The following GLI3 variants were observed in gnomAD, a reference collection of about 807,000 sequenced individuals.
GLI3 encodes transcription activator GLI3.
A neutral mutation model predicts 100.8 loss-of-function variants in GLI3; 20 were observed. That is an observed-to-expected ratio of 0.20 (90% CI 0.14 to 0.29). The LOEUF is 0.29. Among genes scored for constraint, GLI3 ranks in the 10% least tolerant of loss-of-function variants. GLI3 has a pLI of 1.00. For synonymous variants in GLI3, 938 were observed against 860.5 expected, an observed-to-expected ratio of 1.09 and a Z score of -1.58; for missense variants, 2,040 against 2,128.5, an observed-to-expected ratio of 0.96 and a Z score of 0.82.
chr7:42,008,089 G>T (rs985282423), intron 10 of GLI3, among the ~76,000 whole-genome samples: 2 of 152,104 alleles, frequency 1.3e-5, no homozygotes, highest in Non-Finnish European at 2.9e-5. Flanking sequence ...ACTCAGGTTC[G>T]AGTGGGACTA....
chr7:42,212,070 G>A (rs956515474), intron 2 of GLI3, among the ~76,000 whole-genome samples: 1 of 152,216 alleles, frequency 6.6e-6, no homozygotes, highest in Admixed American at 6.5e-5. Context: ...GTCGTGAGCA[G>A]TTCCAGAAAG....
chr7:42,141,489 T>C (rs1286018477), intron 3 of GLI3, among the ~76,000 whole-genome samples: 1 of 152,058 alleles, frequency 6.6e-6, no homozygotes, highest in Non-Finnish European at 1.5e-5. Context: ...GTGGCCAACA[T>C]GGCGAAACCC....
At chr7:42,197,721 G>A (rs934683663) in intron 2 of GLI3, among the ~76,000 whole-genome samples, 1 of 152,126 alleles carries the variant, frequency 6.6e-6, no homozygotes, top group African/African-American at 2.4e-5. Context: ...AAGCAGTGTC[G>A]GGCTTAGCTA....
chr7:41,967,981 G>T, intron 13 of GLI3, 58 bp from the exon 14 acceptor site: 3 of 1,321,742 alleles, frequency 2.3e-6, no homozygotes, highest in Admixed American at 1.7e-5. Context: ...AGGAAAGGGA[G>T]CCAATAATGA....
intron 13 of GLI3, among the ~76,000 whole-genome samples, chr7:41,970,721 T>G (rs1787341615): frequency 2.0e-5 from 3 of 152,178 alleles, no homozygotes. Context: ...GAATGTACAC[T>G]AAAAGTAGAA....
chr7:41,984,383 T>A (rs1787755862), intron 10 of GLI3, among the ~76,000 whole-genome samples: 1 of 152,160 alleles, frequency 6.6e-6, no homozygotes, highest in African/African-American at 2.4e-5. Context: ...GGCTGGGAAG[T>A]ACACTTCTGC....
intron 3 of GLI3, 25 bp downstream of exon 3, chr7:42,148,201 A>T (rs921442716): frequency 6.3e-7 from 1 of 1,595,132 alleles, no homozygotes; most frequent in Non-Finnish European, 8.5e-7. Flanking sequence ...CTCCTGAACA[A>T]GTGCCGACTG....
At chr7:42,206,321 T>C (rs540108564) in intron 2 of GLI3, among the ~76,000 whole-genome samples, 4 of 151,832 alleles carry the variant, frequency 2.6e-5, no homozygotes, top group Admixed American at 2.6e-4. Context: ...TCTAAAGGGA[T>C]ACTTTTAATC....
At chr7:42,055,787 A>C (rs1000832590) in intron 4 of GLI3, among the ~76,000 whole-genome samples, 2 of 152,194 alleles carry the variant, frequency 1.3e-5, no homozygotes, top group Non-Finnish European at 2.9e-5. Flanking sequence ...TTACAAATTT[A>C]CCATTTGGAT....
intron 10 of GLI3, among the ~76,000 whole-genome samples, chr7:42,004,371 G>A (rs549464564): frequency 1.3e-5 from 2 of 152,224 alleles, no homozygotes; most frequent in African/African-American, 4.8e-5. Context: ...GATCACAGGA[G>A]TGTATTATTA....
chr7:42,218,850 T>A (rs1788427800), intron 2 of GLI3, among the ~76,000 whole-genome samples: 3 of 152,210 alleles, frequency 2.0e-5, no homozygotes, highest in Admixed American at 1.3e-4. Context: ...GTTTCTTTTT[T>A]AAAGCCGAGT....
intron 9 of GLI3, among the ~76,000 whole-genome samples, chr7:42,023,969 T>C (rs374348942): frequency 1.2e-4 from 18 of 152,314 alleles, no homozygotes; most frequent in African/African-American, 4.1e-4. Context: ...CATAAGAGAA[T>C]AAATCAAATC....
intron 7 of GLI3, among the ~76,000 whole-genome samples, chr7:42,029,145 G>A (rs1449015804): frequency 6.6e-6 from 1 of 152,212 alleles, no homozygotes; most frequent in East Asian, 1.9e-4. Flanking sequence ...ACAGACCTGG[G>A]CCAGGGCAGG....
At chr7:42,101,090 T>C (rs1437788694) in intron 3 of GLI3, among the ~76,000 whole-genome samples, 24 of 152,204 alleles carry the variant, frequency 1.6e-4, no homozygotes, top group Non-Finnish European at 1.5e-5. Context: ...TTGAAGAGGC[T>C]ACATTCTCTT....
chr7:42,212,876 C>T (rs550942745), intron 2 of GLI3, among the ~76,000 whole-genome samples: 6 of 152,334 alleles, frequency 3.9e-5, no homozygotes, highest in African/African-American at 9.6e-5. Flanking sequence ...GAACAGAGAG[C>T]GCATTCCAGA....
Position 41,964,611 on chromosome 7 carries a change from T to C in GLI3, c.4462A>G (p.Thr1488Ala). The C allele has an allele frequency of 6.2e-7, 1 of 1,614,126 alleles. No homozygotes were observed. The change falls in exon 15 of 15, where the codon ACA (threonine) becomes GCA (alanine). Residue 1488 changes from threonine to alanine, a missense_variant. Thr to Ala is a moderately conservative substitution (Grantham distance 58). Around this residue, in one of 5 missense-constraint regions of GLI3, gnomAD observed 1,041 missense variants for 924.0 expected, o/e 1.13. Coordinates refer to ENST00000395925, the MANE Select transcript of GLI3 (RefSeq NM_000168.6). ...ELLSPGANQV[T>A]STVDSLDSHD... ...CTGTCGAGGCTGTCCACTGTGCTTG[T>C]CACCTGATTAGCACCTGGGGAAAGT...
intron 2 of GLI3, among the ~76,000 whole-genome samples, chr7:42,193,415 T>C (rs1009674938): frequency 2.5e-4 from 38 of 152,120 alleles, no homozygotes; most frequent in African/African-American, 8.7e-4. Context: ...GAACACACTC[T>C]GCCTGAGCTC....
At chr7:42,198,004 C>T (rs1787964196) in intron 2 of GLI3, among the ~76,000 whole-genome samples, 1 of 152,172 alleles carries the variant, frequency 6.6e-6, no homozygotes, top group Non-Finnish European at 1.5e-5. Flanking sequence ...TCTGCAAACG[C>T]ATCTTAACCC....
chr7:42,240,007 C>A (rs996553098), upstream of GLI3, among the ~76,000 whole-genome samples: 2 of 152,002 alleles, frequency 1.3e-5, no homozygotes, highest in Admixed American at 6.5e-5. Flanking sequence ...GGAGTGAGGT[C>A]TCGGAGCCCA....
Sources: allele counts gnomAD v4.1 joint callset (sites outside exome capture counted in the v4.1 genomes callset), GRCh38; gene constraint gnomAD v4.1.1; regional missense constraint gnomAD v4.1.1; transcripts MANE v1.5; gene names NCBI Gene and HGNC (gene_info 2026-07-23, HGNC 2026-07-21).